NR2F1-AS1: variants seen among roughly 807,000 people sequenced by gnomAD.
NR2F1-AS1 encodes the protein NR2F1 antisense RNA 1.
At chr5:93,505,748 G>C (rs907417170) in intron 4 of NR2F1-AS1, among the ~76,000 whole-genome samples, 1 of 152,334 alleles carries the variant, frequency 6.6e-6, no homozygotes. Flanking sequence ...GCTGCACACA[G>C]CATGGGGACC....
chr5:93,584,354 T>G (rs1753185730), upstream of NR2F1-AS1: 1 of 149,450 alleles, frequency 6.7e-6, no homozygotes, highest in East Asian at 1.9e-4. Context: ...CTCGCCGGCT[T>G]CCTCTATGTC....
chr5:93,476,869 T>C (rs2149873091), intron 4 of NR2F1-AS1, among the ~76,000 whole-genome samples: 1 of 152,280 alleles, frequency 6.6e-6, no homozygotes, highest in South Asian at 2.1e-4. Flanking sequence ...GAATCTTTGC[T>C]AAATGAAAAC....
At chr5:93,570,940 A>G (rs1194607608) in intron 1 of NR2F1-AS1, 4 of 152,186 alleles carry the variant, frequency 2.6e-5, no homozygotes, top group Non-Finnish European at 4.4e-5. Flanking sequence ...AGGGGCCCCT[A>G]CAAGGGATCC....
chr5:93,492,762 A>T (rs1370557263), intron 4 of NR2F1-AS1, among the ~76,000 whole-genome samples: 1 of 152,114 alleles, frequency 6.6e-6, no homozygotes, highest in Non-Finnish European at 1.5e-5. Context: ...AATGCACCAC[A>T]TTAAGGGGAT....
intron 4 of NR2F1-AS1, among the ~76,000 whole-genome samples, chr5:93,513,464 C>A (rs868505857): frequency 6.6e-6 from 1 of 152,066 alleles, no homozygotes; most frequent in African/African-American, 2.4e-5. Flanking sequence ...ATATACATAC[C>A]ATGGAATACT....
intron 4 of NR2F1-AS1, among the ~76,000 whole-genome samples, chr5:93,462,086 T>G (rs757246464): frequency 6.6e-6 from 1 of 152,200 alleles, no homozygotes; most frequent in Non-Finnish European, 1.5e-5. Flanking sequence ...TATGTATGTG[T>G]ATATGTGAAA....
intron 4 of NR2F1-AS1, among the ~76,000 whole-genome samples, chr5:93,547,160 C>T (rs1202134395): frequency 1.3e-5 from 2 of 152,006 alleles, no homozygotes; most frequent in South Asian, 2.1e-4. Context: ...TATGTATATG[C>T]ATATGCATAT....
intron 1 of NR2F1-AS1, among the ~76,000 whole-genome samples, chr5:93,573,974 G>A (rs1295337024): frequency 1.3e-5 from 2 of 152,200 alleles, no homozygotes; most frequent in Non-Finnish European, 2.9e-5. Flanking sequence ...GAGCAATAAA[G>A]CAATTACCCA....
At chr5:93,497,176 C>G (rs1750979042) in intron 4 of NR2F1-AS1, among the ~76,000 whole-genome samples, 1 of 151,358 alleles carries the variant, frequency 6.6e-6, no homozygotes, top group East Asian at 1.9e-4. Context: ...ATGATAGAAA[C>G]AAAATAACCC....
At chr5:93,489,686 C>A (rs909549555) in intron 4 of NR2F1-AS1, among the ~76,000 whole-genome samples, 1 of 152,056 alleles carries the variant, frequency 6.6e-6, no homozygotes, top group East Asian at 1.9e-4. Flanking sequence ...AAGCACTATG[C>A]CTTTGCTCAA....
At chr5:93,543,213 A>G (rs572529900) in intron 4 of NR2F1-AS1, 2 of 152,380 alleles carry the variant, frequency 1.3e-5, no homozygotes, top group Non-Finnish European at 2.9e-5. Context: ...AAGAAAGATA[A>G]CCAAGCATAC....
intron 4 of NR2F1-AS1, among the ~76,000 whole-genome samples, chr5:93,501,066 G>C (rs1427314541): frequency 6.6e-6 from 1 of 152,084 alleles, no homozygotes; most frequent in Non-Finnish European, 1.5e-5. Context: ...TTCATAAAAG[G>C]AGATCAAAAT....
At chr5:93,494,586 G>T (rs1750920401) in intron 4 of NR2F1-AS1, among the ~76,000 whole-genome samples, 1 of 152,144 alleles carries the variant, frequency 6.6e-6, no homozygotes, top group South Asian at 2.1e-4. Flanking sequence ...CTGCACTCCA[G>T]CCTGGGCACC....
intron 4 of NR2F1-AS1, among the ~76,000 whole-genome samples, chr5:93,430,906 G>A (rs571301895): frequency 7.9e-6 from 1 of 126,656 alleles, no homozygotes; most frequent in East Asian, 2.0e-4. Context: ...TGAGTGTCCA[G>A]AAATGAGCCA....
chr5:93,543,005 A>T lies in NR2F1-AS1; in HGVS notation n.638+10756T>A, dbSNP rs866173860. The T allele has an allele frequency of 5.2e-5, 8 of 152,414 alleles. No individual in the cohort carries two copies. In the South Asian group the frequency reaches 1.7e-3, roughly 32 times the overall value. The allele number at this position is 152,414 out of a possible 1,614,324, so 9.4% of individuals were successfully genotyped here. The stretch of plus-strand genomic sequence containing the variant: ...TGGCAAAGGAGGGAAACATCTGTCT[A>T]AAAATCTTTGGCCACAGCCTGGCCC... On this transcript the variant is annotated intron_variant and non_coding_transcript_variant, in intron 4 of 5. Transcript: ENST00000660523.
Position 93,497,899 on chromosome 5 carries a change from A to G in NR2F1-AS1, n.638+55862T>C, listed in dbSNP as rs77010451. On this transcript the variant is annotated intron_variant and non_coding_transcript_variant, in intron 4 of 5. Coordinates refer to ENST00000660523, the Ensembl canonical transcript of NR2F1-AS1. ...CATCGGAATCAAGGGTCAATTATAAAACATCTCATTTTCAAGTTTGCCAAT... is the reference window on the plus strand; with the variant it reads ...CATCGGAATCAAGGGTCAATTATAAGACATCTCATTTTCAAGTTTGCCAAT... Among the ~76,000 whole-genome samples, 1,247 of 152,320 alleles carry G rather than the reference A, an allele frequency of 8.2e-3. 15 individuals are homozygous for G. The highest frequency in any genetic ancestry group is 0.029 in the African/African-American group (1,203 of 41,558).
chr5:93,485,257 A>G (rs992604976), intron 4 of NR2F1-AS1, among the ~76,000 whole-genome samples: 1 of 151,944 alleles, frequency 6.6e-6, no homozygotes, highest in African/African-American at 2.4e-5. Context: ...AAATCATAAC[A>G]GTCTTCCAGA....
chr5:93,580,595 G>A (rs937550785), exon 1 of NR2F1-AS1: 2 of 152,752 alleles, frequency 1.3e-5, no homozygotes, highest in Non-Finnish European at 1.5e-5. Context: ...CGCTGTCGCT[G>A]GTCTCCCACT....
At chr5:93,442,444 T>C (rs775877406) in intron 4 of NR2F1-AS1, among the ~76,000 whole-genome samples, 1 of 152,120 alleles carries the variant, frequency 6.6e-6, no homozygotes, top group Admixed American at 6.5e-5. Flanking sequence ...TGCTGACTGC[T>C]AGCACAGCAG....
Sources: gnomAD v4.1 joint callset for allele counts (sites outside exome capture counted in the v4.1 genomes callset) on GRCh38, gnomAD v4.1.1 for gene constraint, MANE v1.5 for transcripts, NCBI Gene and HGNC (gene_info 2026-07-23, HGNC 2026-07-21) for gene names.